The following ACTR3C variants were observed in gnomAD, a reference collection of about 807,000 sequenced individuals.
ACTR3C encodes actin related protein 3C.
ACTR3C carries 18 observed loss-of-function variants against 26.3 expected under a neutral mutation model. The ratio of observed to expected loss-of-function variants is 0.68; its 90% CI spans 0.47 to 1.01. The LOEUF (loss-of-function observed/expected upper bound fraction) is 1.01, where lower values mean the gene tolerates loss of function less well. Among genes scored for constraint, ACTR3C ranks in the 50% least tolerant of loss-of-function variants. The pLI is 0.00. For missense variants in ACTR3C, 184 were observed against 250.7 expected (o/e 0.73, Z 1.80); for synonymous variants, 55 against 94.5 (o/e 0.58, Z 2.42).
chr7:150,230,651 C>T, the ACTR3C span, among the ~76,000 whole-genome samples: 1 of 152,160 alleles, frequency 6.6e-6, no homozygotes. Flanking sequence ...AGAGTTTCAT[C>T]CCAAAACCTT....
chr7:149,985,964 C>T, the ACTR3C span, among the ~76,000 whole-genome samples: 2 of 152,060 alleles, frequency 1.3e-5, no homozygotes, highest in African/African-American at 4.8e-5. Context: ...CCTAAAACTG[C>T]TCATTCTAAG....
At chr7:150,037,170 G>A in the ACTR3C span, among the ~76,000 whole-genome samples, 61 of 45,546 alleles carry the variant, frequency 1.3e-3, no homozygotes, top group South Asian at 2.3e-3. Flanking sequence ...CCCTGTGATG[G>A]GGGTAGTAAC....
the ACTR3C span, among the ~76,000 whole-genome samples, chr7:150,070,520 G>A: frequency 6.6e-6 from 1 of 151,990 alleles, no homozygotes; most frequent in Admixed American, 6.6e-5. Context: ...GTACTAACAT[G>A]GCTCACTTCA....
Position 150,305,430 on chromosome 7 carries a change from C to G in ACTR3C, c.-51-10083G>C, listed in dbSNP as rs148494383. On this transcript the variant is annotated intron_variant, in intron 1 of 7. Transcript: ENST00000683684. Reference sequence around the variant, plus strand: ...CTGCCCACAAAGTCTCCCTAAAACACAAAACTGGCCACGTGGCTCTCACTG... The same window carrying G: ...CTGCCCACAAAGTCTCCCTAAAACAGAAAACTGGCCACGTGGCTCTCACTG... Among the ~76,000 whole-genome samples, 778 of 152,162 alleles carry G rather than the reference C, an allele frequency of 5.1e-3. 2 individuals are homozygous for G. Among genetic ancestry groups the G allele is most frequent in the Non-Finnish European group, 8.3e-3 (563 of 68,016 alleles).
intron 6 of ACTR3C, among the ~76,000 whole-genome samples, chr7:150,283,898 C>G (rs1377247540): frequency 6.7e-6 from 1 of 150,076 alleles, no homozygotes; most frequent in Non-Finnish European, 1.5e-5. Context: ...CCCATCACCT[C>G]CTGCTCACCA....
At chr7:150,300,698 GGA>G (rs1164502132) in intron 1 of ACTR3C, among the ~76,000 whole-genome samples, 2 of 150,646 alleles carry the variant, frequency 1.3e-5, no homozygotes, top group African/African-American at 4.9e-5. Context: ...TTCCTGGATG[GGA>G]GAGAGGAAGC....
chr7:150,103,468 C>G, the ACTR3C span, among the ~76,000 whole-genome samples: 1 of 151,888 alleles, frequency 6.6e-6, no homozygotes, highest in South Asian at 2.1e-4. Flanking sequence ...GATCTAGCAT[C>G]TAGCCACTGC....
the ACTR3C span, among the ~76,000 whole-genome samples, chr7:149,983,289 C>T: frequency 3.3e-5 from 5 of 151,410 alleles, no homozygotes; most frequent in African/African-American, 1.2e-4. Flanking sequence ...TCAAAGAAAA[C>T]ATACAAATGG....
chr7:150,284,887 C>T, intron 5 of ACTR3C, 42 bp from the exon 6 acceptor site: 1 of 1,570,926 alleles, frequency 6.4e-7, no homozygotes, highest in Non-Finnish European at 8.7e-7. Flanking sequence ...ACACATTTCT[C>T]TCAAATAGAA....
the ACTR3C span, chr7:150,045,102 TA>T: frequency 6.6e-6 from 1 of 152,254 alleles, no homozygotes; most frequent in East Asian, 1.9e-4. Flanking sequence ...ATTCATTGCA[TA>T]TCCTCAGCTT....
At chr7:150,169,409 G>A in the ACTR3C span, among the ~76,000 whole-genome samples, 42 of 141,832 alleles carry the variant, frequency 3.0e-4, 2 homozygotes, top group African/African-American at 9.7e-4. Flanking sequence ...AAAAAAAGAA[G>A]AAGAAGATGG....
chr7:150,233,171 A>C, the ACTR3C span, among the ~76,000 whole-genome samples: 1 of 151,816 alleles, frequency 6.6e-6, no homozygotes, highest in Non-Finnish European at 1.5e-5. Context: ...TATTTCCCTC[A>C]GCATTTGTCT....
At chr7:149,943,316 A>C in the ACTR3C span, among the ~76,000 whole-genome samples, 5 of 151,000 alleles carry the variant, frequency 3.3e-5, no homozygotes, top group Admixed American at 1.3e-4. Context: ...CTGTGGTCAG[A>C]AAATGACCAG....
chr7:150,034,819 G>A, the ACTR3C span, among the ~76,000 whole-genome samples: 3 of 149,330 alleles, frequency 2.0e-5, no homozygotes, highest in Non-Finnish European at 1.5e-5. Context: ...CTCGTGGGGG[G>A]TGCCTCCCCC....
At chr7:149,939,231 C>T in the ACTR3C span, among the ~76,000 whole-genome samples, 8 of 152,110 alleles carry the variant, frequency 5.3e-5, no homozygotes, top group Non-Finnish European at 1.0e-4. Flanking sequence ...TCACCTGCCT[C>T]GGCCTCCCAA....
chr7:150,292,553 T>C (rs1253252799), intron 3 of ACTR3C, among the ~76,000 whole-genome samples: 1 of 144,780 alleles, frequency 6.9e-6, no homozygotes, highest in East Asian at 2.0e-4. Flanking sequence ...CCAGCTGGGG[T>C]GCAATGGCGC....
At chr7:149,889,385 G>T in the ACTR3C span, among the ~76,000 whole-genome samples, 1 of 152,020 alleles carries the variant, frequency 6.6e-6, no homozygotes, top group Non-Finnish European at 1.5e-5. Flanking sequence ...AGATCGCTGT[G>T]GTACATATTT....
the ACTR3C span, among the ~76,000 whole-genome samples, chr7:150,035,455 T>TCTCC: frequency 1.2e-5 from 1 of 81,174 alleles, no homozygotes; most frequent in East Asian, 3.3e-4. Context: ...GGGGGGTGCC[T>TCTCC]CCCCCGTTGC....
At chr7:150,014,267 A>G in the ACTR3C span, among the ~76,000 whole-genome samples, 49 of 152,296 alleles carry the variant, frequency 3.2e-4, no homozygotes, top group African/African-American at 1.1e-3. Flanking sequence ...CATCCTGGCT[A>G]ACACAGTGAA....
Sources: allele counts gnomAD v4.1 joint callset (sites outside exome capture counted in the v4.1 genomes callset), GRCh38; gene constraint gnomAD v4.1.1; transcripts MANE v1.5; gene names NCBI Gene and HGNC (gene_info 2026-07-23, HGNC 2026-07-21).